Variants in CRACD observed in about 807,000 individuals in gnomAD.
The protein encoded by CRACD is capping protein-inhibiting regulator of actin dynamics.
A neutral mutation model predicts 106.8 loss-of-function variants in CRACD; 56 were observed. The observed-to-expected ratio is 0.52, with a 90% CI of 0.42 to 0.66. The LOEUF is 0.66. Among genes scored for constraint, CRACD ranks in the 30% least tolerant of loss-of-function variants. The pLI, the probability that CRACD is intolerant of heterozygous loss-of-function variation, is 0.00. For missense variants in CRACD, 1,730 were observed against 1,623.2 expected, an observed-to-expected ratio of 1.07 and a Z score of -1.13; for synonymous variants, 754 against 670.8, an observed-to-expected ratio of 1.12 and a Z score of -1.92.
chr4:56,251,466 A>G (rs972391957), intron 2 of CRACD, among the ~76,000 whole-genome samples: 2 of 152,224 alleles, frequency 1.3e-5, no homozygotes, highest in South Asian at 4.1e-4. Flanking sequence ...CCAGAATTTT[A>G]TATTGAAAGT....
At chr4:56,241,546 C>G (rs1740366784) in intron 2 of CRACD, among the ~76,000 whole-genome samples, 1 of 152,072 alleles carries the variant, frequency 6.6e-6, no homozygotes, top group Non-Finnish European at 1.5e-5. Context: ...GAATACATAA[C>G]TAGAGACTGC....
chr4:56,101,099 C>T (rs553738349), intron 1 of CRACD, among the ~76,000 whole-genome samples: 1 of 149,562 alleles, frequency 6.7e-6, no homozygotes, highest in South Asian at 2.1e-4. Flanking sequence ...TCATCTGTTG[C>T]AGTCTCCTTA....
intron 1 of CRACD, among the ~76,000 whole-genome samples, chr4:56,071,493 A>AC (rs1560442098): frequency 7.0e-5 from 8 of 113,994 alleles, no homozygotes; most frequent in Non-Finnish European, 1.4e-4. Flanking sequence ...CACAGGTTGT[A>AC]TTTCTTTCTT....
intron 1 of CRACD, among the ~76,000 whole-genome samples, chr4:56,112,894 T>C (rs55712084): frequency 0.039 from 5,944 of 152,192 alleles, 393 homozygotes; most frequent in African/African-American, 0.14. Flanking sequence ...CATTATTGGA[T>C]TTTAGGTTAG....
intron 2 of CRACD, among the ~76,000 whole-genome samples, chr4:56,182,860 G>GGT (rs1560474906): frequency 1.0e-5 from 1 of 97,344 alleles, no homozygotes; most frequent in Non-Finnish European, 1.8e-5. Flanking sequence ...AGAAAAAAAA[G>GGT]ATATGTGTGT....
rs151305275 is a variant in CRACD, at chr4:56,133,044, A to G, written c.-335-46240A>G. On this transcript the variant is annotated intron_variant, in intron 1 of 10. Coordinates refer to ENST00000682029, the MANE Select transcript of CRACD (RefSeq NM_001393381.1). ...AGCAGACAACACAGCAGAAGCTGTT[A>G]GAGGTCTGATTGCCCTTGTAGTTTG... 2.2e-3 allele frequency among the ~76,000 whole-genome samples: 335 copies of G among 152,344 alleles called. 1 individual carries two copies. Among genetic ancestry groups the G allele is most frequent in the African/African-American group, 7.4e-3 (307 of 41,590 alleles).
chr4:56,279,002 A>G lies in CRACD; in HGVS notation c.-17+6510A>G, dbSNP rs961061285. On this transcript the variant is annotated intron_variant, in intron 3 of 10. Coordinates refer to ENST00000682029, the MANE Select transcript of CRACD (RefSeq NM_001393381.1). Reference sequence around the variant, plus strand: ...AAAAGATAGACAGTAACAAGTGTTGATGAAGATATATAGGGATTGGAACCC... The same window carrying G: ...AAAAGATAGACAGTAACAAGTGTTGGTGAAGATATATAGGGATTGGAACCC... Among the ~76,000 whole-genome samples the G allele has an allele frequency of 2.0e-5, 3 of 152,356 alleles. No homozygotes were observed. The East Asian group carries it at 5.8e-4, about 29-fold the overall frequency.
intron 2 of CRACD, among the ~76,000 whole-genome samples, chr4:56,207,235 A>G (rs966039692): frequency 5.3e-5 from 8 of 152,266 alleles, no homozygotes; most frequent in Non-Finnish European, 8.8e-5. Context: ...CTGTTTAGCC[A>G]GTAAGTAATC....
intron 1 of CRACD, among the ~76,000 whole-genome samples, chr4:56,075,712 G>A (rs1560443616): frequency 6.6e-6 from 1 of 152,076 alleles, no homozygotes; most frequent in Non-Finnish European, 1.5e-5. Context: ...TTATATAAAT[G>A]GCATCGTATA....
intron 1 of CRACD, among the ~76,000 whole-genome samples, chr4:56,132,995 A>T (rs1004447232): frequency 1.3e-5 from 2 of 152,174 alleles, no homozygotes; most frequent in African/African-American, 4.8e-5. Flanking sequence ...GAGCACTCCA[A>T]TATCTGACCT....
At chr4:56,274,961 C>A (rs895234641) in intron 3 of CRACD, among the ~76,000 whole-genome samples, 3 of 152,184 alleles carry the variant, frequency 2.0e-5, no homozygotes, top group African/African-American at 7.2e-5. Flanking sequence ...CAAAAAAGAA[C>A]AAGATCATGT....
Position 56,327,697 on chromosome 4 carries a change from A to G in CRACD, c.3595A>G (p.Arg1199Gly), listed in dbSNP as rs760347017. ...GCCGCTGGTAAAAGAAGTCACCAAG[A>G]GGTTTTCCACCCCGGATGCTGCCCC... is the stretch of plus-strand genomic sequence containing the variant. ...PAPLVKEVTK[R>G]FSTPDAAPVS... Residue 1199 changes from arginine to glycine, a missense_variant, in exon 11 of 11, where the codon AGG becomes GGG. Physicochemically the swap from Arg to Gly is moderately radical, Grantham distance 125. This residue lies in a region of CRACD where 89 missense variants were observed against 89.6 expected (regional missense o/e 0.99). Transcript: ENST00000682029. 5 of 1,614,074 alleles carry G rather than the reference A, an allele frequency of 3.1e-6. No homozygotes were observed. In the South Asian group the frequency reaches 5.5e-5, roughly 18 times the overall value.
intron 3 of CRACD, among the ~76,000 whole-genome samples, chr4:56,295,595 A>G (rs1743962119): frequency 6.7e-6 from 1 of 149,106 alleles, no homozygotes; most frequent in Non-Finnish European, 1.5e-5. Context: ...TTGACTTAGA[A>G]ACTGGAATGG....
chr4:56,077,991 C>T (rs774638397), intron 1 of CRACD, among the ~76,000 whole-genome samples: 2 of 151,974 alleles, frequency 1.3e-5, no homozygotes, highest in Admixed American at 1.3e-4. Context: ...CATAAAGGCA[C>T]CAAATTATGA....
intron 6 of CRACD, 162 bp downstream of exon 6, chr4:56,310,896 A>G (rs1424462795): frequency 1.7e-5 from 10 of 589,088 alleles, no homozygotes; most frequent in Non-Finnish European, 2.4e-5. Context: ...CAGATGTTGG[A>G]GCATCTGTTT....
intron 2 of CRACD, among the ~76,000 whole-genome samples, chr4:56,236,077 C>T (rs1490069070): frequency 6.6e-6 from 1 of 152,106 alleles, no homozygotes; most frequent in Admixed American, 6.6e-5. Flanking sequence ...AGAATGTGAC[C>T]TTACTTATTA....
chr4:56,320,322 C>T (rs1317126015), intron 8 of CRACD, among the ~76,000 whole-genome samples: 1 of 152,138 alleles, frequency 6.6e-6, no homozygotes, highest in Non-Finnish European at 1.5e-5. Flanking sequence ...GAGGAGGCAA[C>T]TCAGGTGGAC....
intron 2 of CRACD, among the ~76,000 whole-genome samples, chr4:56,232,736 A>ATTTTTTTTTTTT (rs1560494528): frequency 1.3e-5 from 2 of 150,178 alleles, no homozygotes; most frequent in East Asian, 3.9e-4. Flanking sequence ...TTATTTATTT[A>ATTTTTTTTTTTT]TTTTTTGAGA....
At chr4:56,141,712 G>C (rs374362890) in intron 1 of CRACD, among the ~76,000 whole-genome samples, 1 of 59,588 alleles carries the variant, frequency 1.7e-5, no homozygotes, top group Admixed American at 1.7e-4. Flanking sequence ...TTTTTTTTTA[G>C]AAACAGAGTC....
Sources: allele counts gnomAD v4.1 joint callset (sites outside exome capture counted in the v4.1 genomes callset), GRCh38; gene constraint gnomAD v4.1.1; regional missense constraint gnomAD v4.1.1; transcripts MANE v1.5; gene names NCBI Gene and HGNC (gene_info 2026-07-23, HGNC 2026-07-21).